GSK3B: variants seen among roughly 807,000 people sequenced by gnomAD.
GSK3B encodes the protein glycogen synthase kinase-3 beta.
A neutral mutation model predicts 56.4 loss-of-function variants in GSK3B; 15 were observed. That is an observed-to-expected ratio of 0.27 (90% confidence interval 0.18 to 0.41). The LOEUF is 0.41. Among genes scored for constraint, GSK3B ranks in the 10% least tolerant of loss-of-function variants. The pLI is 1.00. For missense variants in GSK3B, 300 were observed against 513.4 expected, an observed-to-expected ratio of 0.58 and a Z score of 4.02; for synonymous variants, 181 against 188.9, an observed-to-expected ratio of 0.96 and a Z score of 0.34.
At chr3:120,047,266 T>C (rs918804325) in intron 1 of GSK3B, among the ~76,000 whole-genome samples, 2 of 152,218 alleles carry the variant, frequency 1.3e-5, no homozygotes, top group Non-Finnish European at 2.9e-5. Flanking sequence ...CTTTTGCAAC[T>C]GTTTGAAGTA....
At chr3:120,026,853 C>T (rs1450113849) in intron 1 of GSK3B, among the ~76,000 whole-genome samples, 8 of 151,912 alleles carry the variant, frequency 5.3e-5, no homozygotes, top group Non-Finnish European at 8.8e-5. Context: ...CCACCGAGCC[C>T]GACCCACGTT....
chr3:119,980,840 T>A (rs2057454090), intron 2 of GSK3B, among the ~76,000 whole-genome samples: 1 of 152,192 alleles, frequency 6.6e-6, no homozygotes, highest in Admixed American at 6.5e-5. Context: ...GGAGAAGTTA[T>A]GGAAAAAGAA....
chr3:119,893,597 G>C (rs1272027632), intron 7 of GSK3B, among the ~76,000 whole-genome samples: 7 of 152,062 alleles, frequency 4.6e-5, no homozygotes, highest in Non-Finnish European at 8.8e-5. Context: ...TAAACAATTT[G>C]GGTAAAGTAT....
At chr3:119,898,042 G>A (rs1404984477) in intron 7 of GSK3B, among the ~76,000 whole-genome samples, 1 of 152,086 alleles carries the variant, frequency 6.6e-6, no homozygotes, top group African/African-American at 2.4e-5. Context: ...AATATCCTAA[G>A]CTGAAAATGC....
intron 2 of GSK3B, among the ~76,000 whole-genome samples, chr3:119,971,325 A>G (rs1387427335): frequency 6.6e-6 from 1 of 152,204 alleles, no homozygotes; most frequent in African/African-American, 2.4e-5. Flanking sequence ...AAAGAAACCA[A>G]CCATTTTGTA....
In GSK3B at chr3:119,824,350, CACGCACACAT is replaced by C. The variant is rs1559796303; in HGVS notation, c.*2428_*2437del. On this transcript the variant is annotated 3_prime_UTR_variant, in exon 11 of 11. Transcript: ENST00000264235. ...CTCAGCACACACACACACACACACA[CACGCACACAT>C]GCACACACAATGAAATGAGAGAAAA... 3 of 223,770 alleles carry C rather than the reference CACGCACACAT, an allele frequency of 1.3e-5. No individual in the cohort carries two copies. Among genetic ancestry groups the C allele is most frequent in the South Asian group, 1.8e-4 (1 of 5,438 alleles). 13.9% of individuals were successfully genotyped at this position (223,770 alleles called of 1,614,324 possible).
chr3:119,855,650 T>G (rs1283823052), intron 9 of GSK3B, among the ~76,000 whole-genome samples: 1 of 152,106 alleles, frequency 6.6e-6, no homozygotes, highest in Non-Finnish European at 1.5e-5. Flanking sequence ...TATGCAGCCA[T>G]AAAAAAGGAT....
intron 2 of GSK3B, among the ~76,000 whole-genome samples, chr3:119,982,529 T>C (rs914206705): frequency 6.6e-6 from 1 of 152,124 alleles, no homozygotes; most frequent in Admixed American, 6.5e-5. Flanking sequence ...AATAAACTGA[T>C]GGAGCTGAAA....
At chr3:120,001,270 G>A (rs891069288) in intron 2 of GSK3B, among the ~76,000 whole-genome samples, 4 of 152,070 alleles carry the variant, frequency 2.6e-5, no homozygotes, top group Admixed American at 6.5e-5. Flanking sequence ...GGTGGCTCAC[G>A]CCTGTAATCC....
intron 1 of GSK3B, chr3:120,029,484 G>T: frequency 4.5e-6 from 3 of 673,340 alleles, no homozygotes; most frequent in Non-Finnish European, 8.4e-6. Context: ...ATTATCTGCA[G>T]GTGTTATTTC....
chr3:119,953,339 A>C (rs928585309), intron 2 of GSK3B, among the ~76,000 whole-genome samples: 1 of 152,230 alleles, frequency 6.6e-6, no homozygotes, highest in African/African-American at 2.4e-5. Context: ...ATGTAATTCC[A>C]GCTACATCAC....
chr3:119,871,675 T>G (rs555824692), intron 8 of GSK3B, among the ~76,000 whole-genome samples: 4 of 151,394 alleles, frequency 2.6e-5, no homozygotes, highest in Admixed American at 2.0e-4. Context: ...TCTAAGACAG[T>G]GGAAGGGGGA....
intron 10 of GSK3B, among the ~76,000 whole-genome samples, chr3:119,837,417 G>A (rs1220201835): frequency 2.6e-5 from 4 of 151,188 alleles, no homozygotes; most frequent in African/African-American, 7.3e-5. Flanking sequence ...CACCCGCCTC[G>A]GCCTCCCAAA....
intron 1 of GSK3B, among the ~76,000 whole-genome samples, chr3:120,027,287 G>A (rs2057936416): frequency 6.6e-6 from 1 of 151,154 alleles, no homozygotes; most frequent in South Asian, 2.1e-4. Context: ...TGAGGCAGGA[G>A]AATCACTTGA....
In GSK3B at chr3:119,822,462, G is replaced by A; in HGVS notation, c.*4326C>T. The stretch of plus-strand genomic sequence containing the variant: ...AAAAAAAACTTAAAAATTAACACAA[G>A]GAAGTCTACTTTGTCAAGCTAACCC... On this transcript the variant is annotated 3_prime_UTR_variant, in exon 11 of 11. Transcript: ENST00000264235. 4.5e-6 allele frequency: 1 copy of A among 222,982 alleles called. No individual in the cohort carries two copies. The highest frequency in any genetic ancestry group is 8.9e-6 in the Non-Finnish European group (1 of 111,838). The allele number at this position is 222,982 out of a possible 1,614,324, so 13.8% of individuals were successfully genotyped here. A position where few individuals can be genotyped will look rare whatever the true frequency, so the allele number is the denominator to read the frequency against.
intron 1 of GSK3B, among the ~76,000 whole-genome samples, chr3:120,060,622 A>T (rs2058228329): frequency 6.6e-6 from 1 of 152,162 alleles, no homozygotes; most frequent in African/African-American, 2.4e-5. Flanking sequence ...GCTACTTGGA[A>T]GGCTGAGGTG....
chr3:120,067,815 TA>T (rs2058292613), intron 1 of GSK3B, among the ~76,000 whole-genome samples: 1 of 152,096 alleles, frequency 6.6e-6, no homozygotes, highest in Non-Finnish European at 1.5e-5. Flanking sequence ...AAGGAAGAGC[TA>T]AACAAAAAAT....
intron 7 of GSK3B, among the ~76,000 whole-genome samples, chr3:119,900,279 T>C (rs1374286781): frequency 2.0e-5 from 3 of 152,120 alleles, no homozygotes; most frequent in African/African-American, 4.8e-5. Context: ...AGGTGTAGCA[T>C]TGACTAATTC....
At chr3:119,905,901 T>C (rs1385644246) in intron 6 of GSK3B, 49 bp from the exon 7 acceptor site, 3 of 1,024,532 alleles carry the variant, frequency 2.9e-6, no homozygotes, top group Non-Finnish European at 4.6e-6. Context: ...TAGCTTGAGC[T>C]GAAAAGTGTT....
Sources: gnomAD v4.1 joint callset for allele counts (sites outside exome capture counted in the v4.1 genomes callset) on GRCh38, gnomAD v4.1.1 for gene constraint, MANE v1.5 for transcripts, NCBI Gene and HGNC (gene_info 2026-07-23, HGNC 2026-07-21) for gene names.